The following DIP2A variants were observed in gnomAD, a reference collection of about 807,000 sequenced individuals.
DIP2A encodes disco-interacting protein 2 homolog A.
A neutral mutation model predicts 177.4 loss-of-function variants in DIP2A; 85 were observed. The observed-to-expected ratio is 0.48, with a 90% CI of 0.40 to 0.57. The LOEUF is 0.57. Ranked by LOEUF, DIP2A falls within the 20% of genes least tolerant of loss-of-function variation. The pLI is 0.00. For synonymous variants in DIP2A, 886 were observed against 881.8 expected (o/e 1.00, Z -0.08); for missense variants, 1,791 against 2,100.2 (o/e 0.85, Z 2.88).
At chr21:46,573,413 G>A (rs111429351), downstream of DIP2A, among the ~76,000 whole-genome samples, 18,240 of 151,548 alleles carry the variant, frequency 0.12, 1,439 homozygotes, top group African/African-American at 0.22. Flanking sequence ...TAATCCCAGC[G>A]CTTTGGGAGG....
At chr21:46,523,492 G>A (rs1474266827) in intron 8 of DIP2A, among the ~76,000 whole-genome samples, 2 of 137,416 alleles carry the variant, frequency 1.5e-5, no homozygotes, top group Middle Eastern at 4.5e-3. Context: ...TGATCCACCC[G>A]CCTCAGCCAC....
rs58546395 is a variant in DIP2A, at chr21:46,464,844, T to TTTTC, written c.91+5622_91+5623insTTTC. ...TTTTTTTTTTTTTTTTTTTTTTTTT[T>TTTTC]CAAGAAAACACACAACAAATGTCAG... On this transcript the variant is annotated intron_variant, in intron 1 of 37. Transcript: ENST00000417564. Among the ~76,000 whole-genome samples the TTTTC allele has an allele frequency of 3.0e-4, 33 of 111,228 alleles. 3 individuals carry two copies. Among genetic ancestry groups the TTTTC allele is most frequent in the African/African-American group, 1.3e-3 (31 of 23,994 alleles). The allele number at this position is 111,228 out of a possible 152,430, so 73.0% of individuals were successfully genotyped here. A position where few individuals can be genotyped will look rare whatever the true frequency, so the allele number is the denominator to read the frequency against.
chr21:46,480,146 G>A (rs9647244), intron 1 of DIP2A, among the ~76,000 whole-genome samples: 53,526 of 150,800 alleles, frequency 0.35, 9,829 homozygotes, highest in Middle Eastern at 0.45. Flanking sequence ...TAACAAACAC[G>A]TAACCGAGAC....
At chr21:46,574,513 A>G (rs182230225), downstream of DIP2A, among the ~76,000 whole-genome samples, 29 of 152,254 alleles carry the variant, frequency 1.9e-4, no homozygotes, top group East Asian at 5.4e-3. Context: ...AACAGAGAAA[A>G]TCAAGAAAGC....
Position 46,554,187 on chromosome 21 carries a change from G to A in DIP2A, c.3049G>A (p.Ala1017Thr), listed in dbSNP as rs774919343. The A allele has an allele frequency of 2.5e-6, 4 of 1,613,782 alleles. 1 individual carries two copies. In the South Asian group the frequency reaches 3.3e-5, roughly 13 times the overall value. Residue 1017 changes from alanine (A) to threonine (T), a missense_variant, in exon 26 of 38, where the codon GCA becomes ACA. Physicochemically the swap from Ala to Thr is moderately conservative, Grantham distance 58. Transcript: ENST00000417564. ...TTCCTAGGGCACCGTCACAAGCACTGCAACCTGTGTCCAGCTGCACAAAAG... is the reference window on the plus strand; with the variant it reads ...TTCCTAGGGCACCGTCACAAGCACTACAACCTGTGTCCAGCTGCACAAAAG... ...LNAKGTVTST[A>T]TCVQLHKRAE...
rs938327987 is a variant in DIP2A, at chr21:46,459,009, C to T, written c.-123C>T. On this transcript the variant is annotated 5_prime_UTR_variant, in exon 1 of 38. Transcript: ENST00000417564. The stretch of plus-strand genomic sequence containing the variant: ...TGGCCGCGCCCCTGTCCCGCCGCCT[C>T]CCGCTCCTCGCCTGGCGGATGTAGG... 6 of 818,380 alleles carry T rather than the reference C, an allele frequency of 7.3e-6. No homozygotes were observed. The highest frequency in any genetic ancestry group is 6.9e-5 in the East Asian group (2 of 29,180). 50.7% of individuals were successfully genotyped at this position (818,380 alleles called of 1,614,324 possible).
the DIP2A span, among the ~76,000 whole-genome samples, chr21:46,576,136 T>A: frequency 6.6e-6 from 1 of 152,176 alleles, no homozygotes; most frequent in Admixed American, 6.5e-5. Context: ...TTTTTAAAAA[T>A]TTTTAAGTTC....
At chr21:46,526,397 C>CTTTTT (rs1357295827) in intron 8 of DIP2A, among the ~76,000 whole-genome samples, 1 of 138,992 alleles carries the variant, frequency 7.2e-6, no homozygotes, top group African/African-American at 2.6e-5. Context: ...ACGTTCATTC[C>CTTTTT]TTTTTTTTTT....
At chr21:46,532,000 A>G in intron 9 of DIP2A, 127 bp from the exon 10 acceptor site, 1 of 837,158 alleles carries the variant, frequency 1.2e-6, no homozygotes, top group Non-Finnish European at 1.9e-6. Flanking sequence ...CTTGTCCCTT[A>G]TGGTTTCAAG....
rs531423321 is a variant in DIP2A at position 46,525,380 on chromosome 21, C to T, written c.1103-3712C>T. Among the ~76,000 whole-genome samples the T allele has an allele frequency of 2.3e-3, 348 of 152,256 alleles. 1 individual carries two copies. Among genetic ancestry groups the T allele is most frequent in the Non-Finnish European group, 4.1e-3 (282 of 68,020 alleles). ...TCTAAAGAAAGATAACCTACTGTCCCGTTCTTGTCTAAGGAGGAGACAGCC... is the reference window on the plus strand; with the variant it reads ...TCTAAAGAAAGATAACCTACTGTCCTGTTCTTGTCTAAGGAGGAGACAGCC... On this transcript the variant is annotated intron_variant, in intron 8 of 37. Coordinates refer to ENST00000417564, the MANE Select transcript of DIP2A (RefSeq NM_015151.4).
intron 8 of DIP2A, among the ~76,000 whole-genome samples, chr21:46,512,916 T>A (rs2058378932): frequency 1.3e-5 from 2 of 152,128 alleles, no homozygotes; most frequent in South Asian, 2.1e-4. Context: ...CATCTTAGCC[T>A]CTCAAAGTGC....
chr21:46,583,648 T>C, the DIP2A span, among the ~76,000 whole-genome samples: 1 of 152,204 alleles, frequency 6.6e-6, no homozygotes, highest in Admixed American at 6.5e-5. Flanking sequence ...ATGAGGGTTA[T>C]GTGCTCATTA....
At chr21:46,551,597 G>A (rs190703126) in intron 23 of DIP2A, 37 bp from the exon 24 acceptor site, 4 of 1,570,484 alleles carry the variant, frequency 2.5e-6, no homozygotes, top group African/African-American at 1.4e-5. Flanking sequence ...TATATGAGAA[G>A]TCACCAGCTT....
chr21:46,502,826 C>T (rs2057729080), intron 5 of DIP2A, among the ~76,000 whole-genome samples: 1 of 152,074 alleles, frequency 6.6e-6, no homozygotes, highest in Non-Finnish European at 1.5e-5. Flanking sequence ...GTCATATAGA[C>T]ACAGTGCCTT....
chr21:46,551,874 C>G lies in DIP2A; in HGVS notation c.3000C>G (p.Asp1000Glu). The G allele has an allele frequency of 6.2e-7, 1 of 1,610,198 alleles. No individual in the cohort carries two copies. Among genetic ancestry groups the G allele is most frequent in the Non-Finnish European group, 8.5e-7 (1 of 1,178,446 alleles). Reference protein sequence around the residue: ...VLQWRAHTTPDHPLFLLLNAK... With the variant: ...VLQWRAHTTPEHPLFLLLNAK... Reference sequence around the variant, plus strand: ...AGTGGCGTGCCCACACCACTCCTGACCACCCGCTGTTCTTGCTGCTGAACG... The same window carrying G: ...AGTGGCGTGCCCACACCACTCCTGAGCACCCGCTGTTCTTGCTGCTGAACG... The change falls in exon 25 of 38, where the codon GAC (aspartate) becomes GAG (glutamate). Residue 1000 changes from aspartate (D) to glutamate (E), a missense_variant. Asp to Glu is a conservative substitution (Grantham distance 45). Coordinates refer to ENST00000417564, the MANE Select transcript of DIP2A (RefSeq NM_015151.4).
intron 5 of DIP2A, among the ~76,000 whole-genome samples, chr21:46,502,133 G>A (rs1342967335): frequency 6.6e-6 from 1 of 152,024 alleles, no homozygotes; most frequent in Non-Finnish European, 1.5e-5. Context: ...ATAGACTAGT[G>A]TTTATTTATT....
At chr21:46,554,001 CA>C in intron 25 of DIP2A, 167 bp from the exon 26 acceptor site, 410 of 890,576 alleles carry the variant, frequency 4.6e-4, no homozygotes, top group Middle Eastern at 1.2e-3. Context: ...CCATCTCTAC[CA>C]AAAAAAAGAC....
intron 16 of DIP2A, 185 bp downstream of exon 16, chr21:46,538,787 T>G (rs1328231046): frequency 2.3e-6 from 2 of 856,520 alleles, no homozygotes; most frequent in Middle Eastern, 2.3e-4. Context: ...TGCATGTTTA[T>G]TAGGCCACTA....
intron 8 of DIP2A, among the ~76,000 whole-genome samples, chr21:46,526,544 G>T (rs1308103564): frequency 6.6e-6 from 1 of 151,922 alleles, no homozygotes; most frequent in Non-Finnish European, 1.5e-5. Context: ...ACAAGTGCCT[G>T]CCTCCATGTC....
Sources: allele counts gnomAD v4.1 joint callset (sites outside exome capture counted in the v4.1 genomes callset), GRCh38; gene constraint gnomAD v4.1.1; transcripts MANE v1.5; gene names NCBI Gene and HGNC (gene_info 2026-07-23, HGNC 2026-07-21).